SORD: variants seen among roughly 807,000 people sequenced by gnomAD.
SORD encodes sorbitol dehydrogenase, also known as (R,R)-butanediol dehydrogenase.
Under a neutral mutation model 35.6 loss-of-function variants are expected in SORD, and 18 were observed. The observed-to-expected ratio is 0.51, with a 90% CI of 0.35 to 0.75. The LOEUF (loss-of-function observed/expected upper bound fraction) is 0.75. SORD is among the 30% of genes least tolerant of loss of function. The probability of loss-of-function intolerance (pLI) is 0.01; values close to 1 mark genes in which losing one functional copy is unlikely to be tolerated. For synonymous variants in SORD, 106 were observed against 152.9 expected (o/e 0.69, Z 2.26); for missense variants, 250 against 390.2 (o/e 0.64, Z 3.03).
intron 3 of SORD, among the ~76,000 whole-genome samples, chr15:45,054,906 C>T (rs149926272): frequency 0.95 from 142,842 of 150,274 alleles, 67,920 homozygotes; most frequent in Non-Finnish European, 0.97. Flanking sequence ...ATAGGGAATC[C>T]TTTCCCCATT....
In SORD at chr15:45,068,980, T is replaced by G; in HGVS notation, c.714T>G (p.Gly238=). Residue 238 remains glycine, a synonymous_variant, in exon 7 of 9, where the codon GGT becomes GGG. Transcript: ENST00000267814. ...SPQEIARKVE[G]QLGCKPEVTI... is the part of the protein sequence containing the mutation. ...AGGAAATCGCCAGGAAAGTAGAAGG[T>G]CAGCTGGGGTGCAAGCCGGAAGTCA... 1 of 1,608,612 alleles carries G rather than the reference T, an allele frequency of 6.2e-7. No homozygotes were observed. The highest frequency in any genetic ancestry group is 8.5e-7 in the Non-Finnish European group (1 of 1,178,564).
intron 1 of SORD, among the ~76,000 whole-genome samples, chr15:45,034,405 G>A (rs1256703814): frequency 6.7e-6 from 1 of 149,044 alleles, no homozygotes; most frequent in African/African-American, 2.6e-5. Flanking sequence ...AGCAAGACGT[G>A]TTGAGGGAAT....
At chr15:45,063,266 T>C (rs1893351556) in intron 4 of SORD, among the ~76,000 whole-genome samples, 1 of 152,062 alleles carries the variant, frequency 6.6e-6, no homozygotes, top group African/African-American at 2.4e-5. Flanking sequence ...CTATTTTCTT[T>C]CTATTTTCCT....
Position 45,046,046 on chromosome 15 carries a change from G to C in SORD, c.265+2625G>C, listed in dbSNP as rs199674885. Among the ~76,000 whole-genome samples, 203 of 151,810 alleles carry C rather than the reference G, an allele frequency of 1.3e-3. 3 individuals carry two copies. The East Asian group carries it at 0.038, about 29-fold the overall frequency. On this transcript the variant is annotated intron_variant, in intron 3 of 8. Transcript: ENST00000267814. ...AATTTAAAAAGCACTGTAAAACTGTGAAATGTCATGTTATCATAATATAAT... is the reference window on the plus strand; with the variant it reads ...AATTTAAAAAGCACTGTAAAACTGTCAAATGTCATGTTATCATAATATAAT...
At chr15:45,045,917 C>A (rs1488154365) in intron 3 of SORD, among the ~76,000 whole-genome samples, 3 of 152,128 alleles carry the variant, frequency 2.0e-5, no homozygotes, top group African/African-American at 7.2e-5. Context: ...AGAAGGATCA[C>A]TTAAGCCCAG....
intron 1 of SORD, among the ~76,000 whole-genome samples, chr15:45,033,539 T>TA (rs1262730472): frequency 6.7e-6 from 1 of 149,256 alleles, no homozygotes; most frequent in Non-Finnish European, 1.5e-5. Context: ...TGTCAAAAGA[T>TA]AAAATGACTG....
intron 7 of SORD, chr15:45,070,779 G>C (rs1893499095): frequency 6.6e-6 from 1 of 152,212 alleles, no homozygotes; most frequent in Non-Finnish European, 1.5e-5. Flanking sequence ...CCCGCAGAGA[G>C]GCAGTATAAG....
At chr15:45,057,317 T>C (rs1447756360) in intron 3 of SORD, among the ~76,000 whole-genome samples, 5 of 152,218 alleles carry the variant, frequency 3.3e-5, no homozygotes, top group Non-Finnish European at 7.3e-5. Context: ...TTTGTGATTT[T>C]TTTTTGATAC....
chr15:45,041,546 C>T (rs1476164858), intron 2 of SORD, among the ~76,000 whole-genome samples: 8 of 152,086 alleles, frequency 5.3e-5, no homozygotes, highest in African/African-American at 1.9e-4. Context: ...GTTGTGTTAT[C>T]GACTTGTAAG....
chr15:45,027,044 G>A (rs77702836), intron 1 of SORD, among the ~76,000 whole-genome samples: 30,221 of 148,850 alleles, frequency 0.2, no homozygotes, highest in African/African-American at 0.44. Context: ...ACCACAGCAA[G>A]GAGGAGCATT....
In SORD at chr15:45,057,793, AAAAG is replaced by A. The variant is rs371812531; in HGVS notation, c.266-3258_266-3255del. Among the ~76,000 whole-genome samples, 302 of 152,302 alleles carry A rather than the reference AAAAG, an allele frequency of 2.0e-3. 6 individuals carry two copies. In the South Asian group the frequency reaches 0.033, roughly 17 times the overall value. On this transcript the variant is annotated intron_variant, in intron 3 of 8. Transcript: ENST00000267814. ...GTGAGACTCTGTCTCAAAAAAAACA[AAAAG>A]AAAGAAAGAAAGAAAAAAGATTCAC... is the stretch of plus-strand genomic sequence containing the variant.
chr15:45,059,939 A>G (rs745665123), intron 3 of SORD, among the ~76,000 whole-genome samples: 6 of 152,230 alleles, frequency 3.9e-5, no homozygotes, highest in African/African-American at 1.4e-4. Context: ...GTACAAAAAA[A>G]AGTCAAAACA....
intron 3 of SORD, among the ~76,000 whole-genome samples, chr15:45,047,785 T>G (rs1487935506): frequency 6.6e-6 from 1 of 152,190 alleles, no homozygotes; most frequent in African/African-American, 2.4e-5. Context: ...GTCTCCAGCT[T>G]GTTCCTGGCT....
chr15:45,029,010 G>A (rs1225235895), intron 1 of SORD, among the ~76,000 whole-genome samples: 16 of 152,206 alleles, frequency 1.1e-4, no homozygotes, highest in African/African-American at 3.9e-4. Flanking sequence ...GCAGGAGCTG[G>A]ATTAAACCAG....
chr15:45,065,041 C>T (rs1893381818), intron 4 of SORD, among the ~76,000 whole-genome samples: 3 of 152,182 alleles, frequency 2.0e-5, no homozygotes, highest in Non-Finnish European at 2.9e-5. Context: ...TAACCCACCA[C>T]GCCTGTTTCC....
At chr15:45,055,970 G>A (rs1279767087) in intron 3 of SORD, among the ~76,000 whole-genome samples, 5 of 151,642 alleles carry the variant, frequency 3.3e-5, no homozygotes, top group South Asian at 2.1e-4. Flanking sequence ...CAATAAATTA[G>A]GTATTGATGG....
At chr15:45,065,433 A>G in intron 5 of SORD, 44 bp downstream of exon 5, 1 of 1,564,196 alleles carries the variant, frequency 6.4e-7, no homozygotes, top group Admixed American at 1.9e-5. Context: ...TTGACTGGGA[A>G]TTCAGGGAAC....
At chr15:45,061,849 A>G (rs1431065293) in intron 4 of SORD, among the ~76,000 whole-genome samples, 1 of 152,018 alleles carries the variant, frequency 6.6e-6, no homozygotes, top group Non-Finnish European at 1.5e-5. Context: ...AGCCTGGGCA[A>G]CAGACCGAGA....
At chr15:45,028,808 A>G (rs1297265705) in intron 1 of SORD, among the ~76,000 whole-genome samples, 1 of 152,286 alleles carries the variant, frequency 6.6e-6, no homozygotes, top group Non-Finnish European at 1.5e-5. Flanking sequence ...TTTTAAAAAT[A>G]AGATAAATCT....
Sources: gnomAD v4.1 joint callset for allele counts (sites outside exome capture counted in the v4.1 genomes callset) on GRCh38, gnomAD v4.1.1 for gene constraint, MANE v1.5 for transcripts, NCBI Gene and HGNC (gene_info 2026-07-23, HGNC 2026-07-21) for gene names.